Variants in CARS1 observed in about 807,000 individuals in gnomAD.
The protein encoded by CARS1 is cysteine--tRNA ligase, cytoplasmic.
Under a neutral mutation model 106.2 loss-of-function variants are expected in CARS1, and 48 were observed. The ratio of observed to expected loss-of-function variants is 0.45; its 90% CI spans 0.36 to 0.57. The LOEUF is 0.57. Ranked by LOEUF, CARS1 falls within the 20% of genes least tolerant of loss-of-function variation. The probability of loss-of-function intolerance (pLI) is 0.00; values close to 1 mark genes in which losing one functional copy is unlikely to be tolerated. For synonymous variants in CARS1, 409 were observed against 403.4 expected (o/e 1.01, Z -0.17); for missense variants, 968 against 1,057.2 (o/e 0.92, Z 1.17).
At position 3,040,685 on chromosome 11, in the gene CARS1, T is replaced by C. The variant is rs1212471893; in HGVS notation, c.455+211A>G. On this transcript the variant is annotated intron_variant, in intron 4 of 22. Transcript: ENST00000380525. The surrounding 1 kb of genome is among the most constrained non-coding windows in gnomAD (Gnocchi z 5.8). ...TGGACATTTTCTTTTTGGTGATCTG[T>C]AGTCTTTCTGCAGTGAATATAGATT... is the stretch of plus-strand genomic sequence containing the variant. The C allele has an allele frequency of 2.9e-6, 2 of 696,984 alleles. No homozygotes were observed. The highest frequency in any genetic ancestry group is 5.2e-6 in the Non-Finnish European group (2 of 385,718). The allele number at this position is 696,984 out of a possible 1,614,324, so 43.2% of individuals were successfully genotyped here.
intron 1 of CARS1, among the ~76,000 whole-genome samples, chr11:3,049,565 T>A (rs920274224): frequency 2.0e-5 from 3 of 152,140 alleles, no homozygotes; most frequent in Admixed American, 6.5e-5. Context: ...GAACCAGTGA[T>A]TGTGTTTGCT....
Position 3,029,512 on chromosome 11 carries a change from G to A in CARS1, c.802-69C>T. The A allele has an allele frequency of 6.4e-7, 1 of 1,558,632 alleles. No homozygotes were observed. The highest frequency in any genetic ancestry group is 1.3e-5 in the African/African-American group (1 of 74,094). On this transcript the variant is annotated intron_variant, in intron 7 of 22. Transcript: ENST00000380525. The surrounding 1 kb of genome is among the most constrained non-coding windows in gnomAD (Gnocchi z 5.9). ...CACATGAGAACATCTCGTGCAGCTG[G>A]TGTGAGCCCATCAGTGCCCTGAATT...
rs759530948 is a variant in CARS1 at position 3,028,978 on chromosome 11, G to A, written c.1031+18C>T. On this transcript the variant is annotated intron_variant, in intron 9 of 22. Transcript: ENST00000380525. This position sits in a 1 kb window ranked among gnomAD's most constrained non-coding sequence, Gnocchi z 4.4. The stretch of plus-strand genomic sequence containing the variant: ...GTTCTGCAGCCCTTCCCTCCCTAGG[G>A]AAGGCCCTTGTGCTTACCCGTAACC... The A allele has an allele frequency of 6.3e-7, 1 of 1,584,426 alleles. No homozygotes were observed. Among genetic ancestry groups the A allele is most frequent in the South Asian group, 1.1e-5 (1 of 90,496 alleles).
At position 3,037,923 on chromosome 11, in the gene CARS1, G is replaced by C; in HGVS notation, c.801+127C>G. The C allele has an allele frequency of 1.1e-6, 1 of 934,088 alleles. No individual in the cohort carries two copies. The highest frequency in any genetic ancestry group is 2.5e-5 in the East Asian group (1 of 40,230). The allele number at this position is 934,088 out of a possible 1,614,324, so 57.9% of individuals were successfully genotyped here. A position where few individuals can be genotyped will look rare whatever the true frequency, so the allele number is the denominator to read the frequency against. On this transcript the variant is annotated intron_variant, in intron 7 of 22. Coordinates refer to ENST00000380525, the MANE Select transcript of CARS1 (RefSeq NM_001014437.3). The surrounding 1 kb of genome is among the most constrained non-coding windows in gnomAD (Gnocchi z 5.9). ...GAACAGGGCCGCCTGCCACAGTGGA[G>C]CTACTGGAGACACAGAGTGTCTTCC...
chr11:3,035,070 A>G (rs1373671122), intron 7 of CARS1, among the ~76,000 whole-genome samples: 3 of 152,052 alleles, frequency 2.0e-5, no homozygotes, highest in African/African-American at 7.2e-5. Flanking sequence ...TTAATCCATT[A>G]ACCCATTCAT....
rs147376938 is a variant in CARS1, at chr11:3,042,864, C to T, written c.275-608G>A. On this transcript the variant is annotated intron_variant, in intron 2 of 22. Coordinates refer to ENST00000380525, the MANE Select transcript of CARS1 (RefSeq NM_001014437.3). ...TGGCAGCAGAAGCCAGGAGTCAGAG[C>T]AGAAAGGACCCCCTGTGGCCACGGC... is the stretch of plus-strand genomic sequence containing the variant. Among the ~76,000 whole-genome samples the T allele has an allele frequency of 2.3e-3, 343 of 152,336 alleles. 2 individuals are homozygous for T. The highest frequency in any genetic ancestry group is 7.8e-3 in the African/African-American group (326 of 41,578).
At position 3,040,430 on chromosome 11, in the gene CARS1, G is replaced by A; in HGVS notation, c.455+466C>T. 1 of 433,978 alleles carries A rather than the reference G, an allele frequency of 2.3e-6. No individual in the cohort carries two copies. Among genetic ancestry groups the A allele is most frequent in the East Asian group, 7.0e-5 (1 of 14,364 alleles). 26.9% of individuals were successfully genotyped at this position (433,978 alleles called of 1,614,324 possible). On this transcript the variant is annotated intron_variant, in intron 4 of 22. Transcript: ENST00000380525. This position sits in a 1 kb window ranked among gnomAD's most constrained non-coding sequence, Gnocchi z 5.8. ...GCAACTAAAACATGAACACATAAAAGGACTCTGTGGCATTTACCCCAACAG... is the reference window on the plus strand; with the variant it reads ...GCAACTAAAACATGAACACATAAAAAGACTCTGTGGCATTTACCCCAACAG...
At chr11:3,042,638 T>C (rs1854631163) in intron 2 of CARS1, among the ~76,000 whole-genome samples, 1 of 152,206 alleles carries the variant, frequency 6.6e-6, no homozygotes, top group Non-Finnish European at 1.5e-5. Flanking sequence ...ATTCCACTGC[T>C]CTTCAAATAC....
In CARS1 at chr11:3,032,560, G is replaced by A. The variant is rs180821512; in HGVS notation, c.802-3117C>T. On this transcript the variant is annotated intron_variant, in intron 7 of 22. Transcript: ENST00000380525. Reference sequence around the variant, plus strand: ...CCTGCTAGAGAACTGACTGGTTGTCGGGGCAGAGGTGGGCTGGGTGAGGAA... The same window carrying A: ...CCTGCTAGAGAACTGACTGGTTGTCAGGGCAGAGGTGGGCTGGGTGAGGAA... 1.9e-3 allele frequency among the ~76,000 whole-genome samples: 293 copies of A among 152,208 alleles called. 2 individuals carry two copies. Among genetic ancestry groups the A allele is most frequent in the African/African-American group, 6.7e-3 (278 of 41,526 alleles).
At chr11:3,018,261 T>C (rs1216364136) in intron 14 of CARS1, 147 bp downstream of exon 14, 11 of 637,046 alleles carry the variant, frequency 1.7e-5, no homozygotes, top group Middle Eastern at 3.9e-4. Context: ...GAGCCTGTTA[T>C]ACCCACTAGC....
intron 1 of CARS1, among the ~76,000 whole-genome samples, chr11:3,051,201 T>C (rs1200243260): frequency 2.0e-5 from 3 of 152,214 alleles, no homozygotes; most frequent in African/African-American, 7.2e-5. Context: ...TGCCCAAAGA[T>C]ACCAGAGACA....
chr11:3,039,758 T>C lies in CARS1; in HGVS notation c.552+77A>G. 1.4e-6 allele frequency: 1 copy of C among 708,770 alleles called. No individual in the cohort carries two copies. Among genetic ancestry groups the C allele is most frequent in the South Asian group, 1.9e-5 (1 of 52,542 alleles). 43.9% of individuals were successfully genotyped at this position (708,770 alleles called of 1,614,324 possible). On this transcript the variant is annotated intron_variant, in intron 5 of 22. Coordinates refer to ENST00000380525, the MANE Select transcript of CARS1 (RefSeq NM_001014437.3). The surrounding 1 kb of genome is among the most constrained non-coding windows in gnomAD (Gnocchi z 5.6). ...CACAAGCTAGCTCAAGCCTACATTATTTACTTATGCGAAAGTTCTATCTTC... is the reference window on the plus strand; with the variant it reads ...CACAAGCTAGCTCAAGCCTACATTACTTACTTATGCGAAAGTTCTATCTTC...
Position 3,041,487 on chromosome 11 carries a change from G to A in CARS1, c.367-503C>T, listed in dbSNP as rs1325915566. Among the ~76,000 whole-genome samples, 1 of 152,116 alleles carries A rather than the reference G, an allele frequency of 6.6e-6. No homozygotes were observed. The highest frequency in any genetic ancestry group is 1.5e-5 in the Non-Finnish European group (1 of 68,022). ...GAGGCCAGGACCCCTGAATCGTGGT[G>A]CTGCTCTGGCACCACTCCCCAACAT... On this transcript the variant is annotated intron_variant, in intron 3 of 22. Transcript: ENST00000380525. The surrounding 1 kb of genome is among the most constrained non-coding windows in gnomAD (Gnocchi z 4.9).
intron 21 of CARS1, 79 bp downstream of exon 21, chr11:3,002,462 G>C: frequency 6.3e-7 from 1 of 1,592,222 alleles, no homozygotes; most frequent in Non-Finnish European, 8.5e-7. Flanking sequence ...GGTCCACGGA[G>C]GCACAGAGAG....
In CARS1 at chr11:3,038,060, C is replaced by A. The variant is rs781329977; in HGVS notation, c.791G>T (p.Ser264Ile). ...QSRLTGEEVNSCVEVLLEEAK... is the reference protein window; with the variant it reads ...QSRLTGEEVNICVEVLLEEAK... Reference sequence around the variant, plus strand: ...TGTGTGAAGCCTCACCTCCACACAGCTGTTGACTTCCTCTCCCGTGAGTCT... The same window carrying A: ...TGTGTGAAGCCTCACCTCCACACAGATGTTGACTTCCTCTCCCGTGAGTCT... Residue 264 changes from serine to isoleucine, a missense_variant, in exon 7 of 23, where the codon AGC becomes ATC. Physicochemically the swap from Ser to Ile is moderately radical, Grantham distance 142. Coordinates refer to ENST00000380525, the MANE Select transcript of CARS1 (RefSeq NM_001014437.3). This position sits in a 1 kb window ranked among gnomAD's most constrained non-coding sequence, Gnocchi z 4.0. The A allele has an allele frequency of 3.1e-6, 5 of 1,613,166 alleles. No individual in the cohort carries two copies. The South Asian group carries it at 5.5e-5, about 18-fold the overall frequency.
chr11:3,028,154 T>G lies in CARS1; in HGVS notation c.1031+842A>C. On this transcript the variant is annotated intron_variant, in intron 9 of 22. Coordinates refer to ENST00000380525, the MANE Select transcript of CARS1 (RefSeq NM_001014437.3). This position sits in a 1 kb window ranked among gnomAD's most constrained non-coding sequence, Gnocchi z 4.4. The stretch of plus-strand genomic sequence containing the variant: ...CCTCTCTCTGTCTCCTCTCTCTCTC[T>G]GCCTTGGCTGCCAGGCAGGGAAGGG... The G allele has an allele frequency of 3.3e-6, 1 of 302,120 alleles. No individual in the cohort carries two copies. The highest frequency in any genetic ancestry group is 6.5e-6 in the Non-Finnish European group (1 of 154,658). 18.7% of individuals were successfully genotyped at this position (302,120 alleles called of 1,614,324 possible).
rs1009773765 is a variant in CARS1 at position 3,021,317 on chromosome 11, C to T, written c.1154-985G>A. ...CTAGGCATAAGGTTACCAGGACCCA[C>T]GCCAGGTCTTGCCCGGCTGCTGCAG... On this transcript the variant is annotated intron_variant, in intron 10 of 22. Coordinates refer to ENST00000380525, the MANE Select transcript of CARS1 (RefSeq NM_001014437.3). The surrounding 1 kb of genome is among the most constrained non-coding windows in gnomAD (Gnocchi z 5.3). Among the ~76,000 whole-genome samples, 2 of 152,234 alleles carry T rather than the reference C, an allele frequency of 1.3e-5. No individual in the cohort carries two copies. The highest frequency in any genetic ancestry group is 4.8e-5 in the African/African-American group (2 of 41,464).
Position 3,001,201 on chromosome 11 carries a change from T to G in CARS1, c.2409A>C (p.Gln803His). The change falls in exon 23 of 23, where the codon CAA becomes CAC. Residue 803 changes from glutamine (Q) to histidine (H), a missense_variant. Gln to His is a conservative substitution (Grantham distance 24). Coordinates refer to ENST00000380525, the MANE Select transcript of CARS1 (RefSeq NM_001014437.3). ...CGAAGAGCTTCTTCAGCTTCTTGGC[T>G]TGCCCTTTGCTGAGCTCTTTGCCCT... ...DMEGKELSKG[Q>H]AKKLKKLFEA... The G allele has an allele frequency of 6.2e-7, 1 of 1,614,082 alleles. No individual in the cohort carries two copies. The highest frequency in any genetic ancestry group is 2.2e-5 in the East Asian group (1 of 44,890).
chr11:3,055,099 T>C (rs1206472461), intron 1 of CARS1: 2 of 617,016 alleles, frequency 3.2e-6, no homozygotes, highest in Non-Finnish European at 5.8e-6. Flanking sequence ...TTAGGGAAGA[T>C]GGTACAAAAA....
Sources: gnomAD v4.1 joint callset for allele counts (sites outside exome capture counted in the v4.1 genomes callset) on GRCh38, gnomAD v4.1.1 for gene constraint, Gnocchi (gnomAD v3.1) non-coding constraint, MANE v1.5 for transcripts, NCBI Gene and HGNC (gene_info 2026-07-23, HGNC 2026-07-21) for gene names.